Variants in SLC35D1 observed in about 807,000 individuals in gnomAD.
SLC35D1 encodes nucleotide sugar transporter SLC35D1.
In SLC35D1, 31 loss-of-function variants were observed where a neutral mutation model predicts 46.7. That is an observed-to-expected ratio of 0.66 (90% confidence interval 0.50 to 0.90). The LOEUF (loss-of-function observed/expected upper bound fraction) is 0.90. Among genes scored for constraint, SLC35D1 ranks in the 40% least tolerant of loss-of-function variants. The pLI, the probability that SLC35D1 is intolerant of heterozygous loss-of-function variation, is 0.00. For missense variants in SLC35D1, 397 were observed against 426.2 expected (o/e 0.93, Z 0.60); for synonymous variants, 195 against 164.6 (o/e 1.18, Z -1.41).
intron 10 of SLC35D1, among the ~76,000 whole-genome samples, chr1:67,012,183 T>G (rs1025943022): frequency 1.3e-5 from 2 of 152,208 alleles, no homozygotes; most frequent in Admixed American, 6.5e-5. Context: ...TTTTGTCATC[T>G]CAACCTTTGT....
At chr1:66,984,782 G>C in the SLC35D1 span, 8 of 1,613,968 alleles carry the variant, frequency 5.0e-6, no homozygotes, top group South Asian at 8.8e-5. Flanking sequence ...AAAAGTGAGA[G>C]ACCTGCCAAA....
the SLC35D1 span, among the ~76,000 whole-genome samples, chr1:66,990,703 TAG>T: frequency 6.6e-6 from 1 of 151,590 alleles, no homozygotes; most frequent in Non-Finnish European, 1.5e-5. Flanking sequence ...TGTATATGTA[TAG>T]TTAGTTAGGA....
chr1:66,992,201 A>G, the SLC35D1 span, among the ~76,000 whole-genome samples: 2 of 152,242 alleles, frequency 1.3e-5, no homozygotes, highest in African/African-American at 4.8e-5. Flanking sequence ...TTCGACAAGA[A>G]AAAGCTTGGT....
intron 5 of SLC35D1, 57 bp downstream of exon 5, chr1:67,050,376 T>C: frequency 7.7e-7 from 1 of 1,304,582 alleles, no homozygotes; most frequent in East Asian, 2.3e-5. Flanking sequence ...ATCTCACATA[T>C]GCTGGGCACC....
chr1:67,023,301 A>G (rs2755246), intron 8 of SLC35D1, among the ~76,000 whole-genome samples: 118,462 of 152,108 alleles, frequency 0.78, 46,442 homozygotes, highest in South Asian at 0.88. Context: ...AGCACTATAT[A>G]AGAGCTCCCA....
At chr1:67,044,831 A>C (rs1430005148) in intron 7 of SLC35D1, among the ~76,000 whole-genome samples, 1 of 152,232 alleles carries the variant, frequency 6.6e-6, no homozygotes, top group Non-Finnish European at 1.5e-5. Flanking sequence ...AAAACTCCTG[A>C]TTGGCTGCCC....
chr1:67,014,677 T>G (rs1467325173), intron 10 of SLC35D1, among the ~76,000 whole-genome samples: 1 of 144,784 alleles, frequency 6.9e-6, no homozygotes, highest in Non-Finnish European at 1.5e-5. Context: ...TTAGTTTTTT[T>G]TTTTTTTTTT....
At position 67,053,919 on chromosome 1, in the gene SLC35D1, G is replaced by A. The variant is rs750524219; in HGVS notation, c.95C>T (p.Ala32Val). 6.2e-7 allele frequency: 1 copy of A among 1,613,790 alleles called. No homozygotes were observed. Among genetic ancestry groups the A allele is most frequent in the Non-Finnish European group, 8.5e-7 (1 of 1,179,754 alleles). ...AAACACGGTCAGCGTTTCGGCCGACGCCATCCCCAGCTCCTCCTCATCTCG... is the reference window on the plus strand; with the variant it reads ...AAACACGGTCAGCGTTTCGGCCGACACCATCCCCAGCTCCTCCTCATCTCG... ...TLRDEEELGM[A>V]SAETLTVFLK... The change falls in exon 1 of 12, where the codon GCG becomes GTG. Residue 32 changes from alanine to valine, a missense_variant. By Grantham distance (64) the Ala-to-Val change is moderately conservative. Transcript: ENST00000235345.
downstream of SLC35D1, among the ~76,000 whole-genome samples, chr1:66,998,980 T>G (rs915715960): frequency 6.6e-6 from 1 of 152,208 alleles, no homozygotes; most frequent in Admixed American, 6.5e-5. Flanking sequence ...GTATATTTTA[T>G]GTGTATTTTA....
In SLC35D1 at chr1:67,040,082, C is replaced by T. The variant is rs538129145; in HGVS notation, c.729+2154G>A. Among the ~76,000 whole-genome samples the T allele has an allele frequency of 1.3e-4, 20 of 151,796 alleles. 1 individual carries two copies. In the South Asian group the frequency reaches 3.7e-3, roughly 28 times the overall value. ...CAATCATGGCTCACTGCAGCCTCGACCTCCTGGGCTCAAGCGATCCTCCCA... is the reference window on the plus strand; with the variant it reads ...CAATCATGGCTCACTGCAGCCTCGATCTCCTGGGCTCAAGCGATCCTCCCA... On this transcript the variant is annotated intron_variant, in intron 8 of 11. Coordinates refer to ENST00000235345, the MANE Select transcript of SLC35D1 (RefSeq NM_015139.3).
the SLC35D1 span, among the ~76,000 whole-genome samples, chr1:66,978,350 CAA>C: frequency 6.6e-6 from 1 of 152,260 alleles, no homozygotes; most frequent in Non-Finnish European, 1.5e-5. Context: ...CACAGTAAAA[CAA>C]TCTGAAAGAG....
chr1:66,990,686 A>G, the SLC35D1 span, among the ~76,000 whole-genome samples: 2 of 152,166 alleles, frequency 1.3e-5, no homozygotes, highest in East Asian at 1.9e-4. Flanking sequence ...AAAGGGATCT[A>G]TTTTCGTGTA....
chr1:66,986,302 G>C, the SLC35D1 span: 1 of 1,487,204 alleles, frequency 6.7e-7, no homozygotes, highest in East Asian at 2.5e-5. Context: ...TTTATTTTTA[G>C]TGCTAAATTC....
the SLC35D1 span, among the ~76,000 whole-genome samples, chr1:66,993,004 T>G: frequency 6.6e-6 from 1 of 152,276 alleles, no homozygotes. Context: ...ACTTGCTCTT[T>G]CCAATGATCT....
At chr1:67,022,963 T>C (rs1667842534) in intron 8 of SLC35D1, among the ~76,000 whole-genome samples, 2 of 152,226 alleles carry the variant, frequency 1.3e-5, no homozygotes, top group African/African-American at 4.8e-5. Context: ...TCTCTTTCAC[T>C]TGGCATTATG....
chr1:67,008,647 G>A (rs185523376), intron 11 of SLC35D1, among the ~76,000 whole-genome samples: 48 of 152,154 alleles, frequency 3.2e-4, no homozygotes, highest in African/African-American at 1.1e-3. Context: ...CTACAGTCAT[G>A]GACATATTCA....
chr1:66,973,122 G>A, the SLC35D1 span: 15 of 589,688 alleles, frequency 2.5e-5, no homozygotes, highest in Non-Finnish European at 3.9e-5. Flanking sequence ...TTGGTATTTA[G>A]TGAGTAATTA....
chr1:66,976,388 C>T, the SLC35D1 span, among the ~76,000 whole-genome samples: 1 of 152,174 alleles, frequency 6.6e-6, no homozygotes, highest in Non-Finnish European at 1.5e-5. Context: ...TGCTGTATAT[C>T]TGAAGACCTG....
At chr1:67,013,186 T>A (rs1191134655) in intron 10 of SLC35D1, among the ~76,000 whole-genome samples, 1 of 8,938 alleles carries the variant, frequency 1.1e-4, no homozygotes, top group African/African-American at 6.9e-4. Context: ...CTTAAATTTT[T>A]TTTCAGTAGA....
Sources: gnomAD v4.1 joint callset for allele counts (sites outside exome capture counted in the v4.1 genomes callset) on GRCh38, gnomAD v4.1.1 for gene constraint, MANE v1.5 for transcripts, NCBI Gene and HGNC (gene_info 2026-07-23, HGNC 2026-07-21) for gene names.